The following TBCEL variants were observed in gnomAD, a reference collection of about 807,000 sequenced individuals.
The protein encoded by TBCEL is tubulin-specific chaperone cofactor E-like protein.
A neutral mutation model predicts 44.2 loss-of-function variants in TBCEL; 15 were observed. That is an observed-to-expected ratio of 0.34 (90% confidence interval 0.23 to 0.52). The LOEUF (loss-of-function observed/expected upper bound fraction) is 0.52. Among genes scored for constraint, TBCEL ranks in the 20% least tolerant of loss-of-function variants. The pLI, the probability that TBCEL is intolerant of heterozygous loss-of-function variation, is 0.95. For synonymous variants in TBCEL, 171 were observed against 185.4 expected (o/e 0.92, Z 0.63); for missense variants, 319 against 506.3 (o/e 0.63, Z 3.55).
chr11:121,075,454 G>C (rs1184380293), intron 8 of TBCEL, among the ~76,000 whole-genome samples: 1 of 151,920 alleles, frequency 6.6e-6, no homozygotes, highest in Non-Finnish European at 1.5e-5. Context: ...GACTGTTTTA[G>C]CTATTTTAGG....
chr11:121,073,504 T>C (rs1945975067), intron 8 of TBCEL, among the ~76,000 whole-genome samples: 1 of 151,998 alleles, frequency 6.6e-6, no homozygotes, highest in South Asian at 2.1e-4. Context: ...TCTGTCAGTC[T>C]TACATATAGA....
intron 8 of TBCEL, among the ~76,000 whole-genome samples, chr11:121,080,779 G>A (rs1265973597): frequency 6.6e-6 from 1 of 152,132 alleles, no homozygotes; most frequent in African/African-American, 2.4e-5. Flanking sequence ...TTGTGATTGA[G>A]GAAATGCCCC....
At chr11:121,081,842 G>A (rs1946131876) in intron 8 of TBCEL, among the ~76,000 whole-genome samples, 1 of 152,106 alleles carries the variant, frequency 6.6e-6, no homozygotes, top group African/African-American at 2.4e-5. Flanking sequence ...ATATATATAT[G>A]TATGTATAGT....
At chr11:121,069,508 G>C (rs1165947473) in intron 8 of TBCEL, among the ~76,000 whole-genome samples, 2 of 152,028 alleles carry the variant, frequency 1.3e-5, no homozygotes, top group East Asian at 3.9e-4. Context: ...TAGTAAGTGG[G>C]AGCTGGGCAC....
chr11:121,055,263 G>T lies in TBCEL; in HGVS notation c.667G>T (p.Ala223Ser). 6.2e-7 allele frequency: 1 copy of T among 1,611,286 alleles called. No homozygotes were observed. The highest frequency in any genetic ancestry group is 1.7e-4 in the Middle Eastern group (1 of 6,040). ...TATTGAGGAGCCTGATGATTCATTG[G>T]CCAGGTTGTTTCCTAATCTTCGATC... ...NAIEEPDDSL[A>S]RLFPNLRSIS... Residue 223 changes from alanine (A) to serine (S), a missense_variant, in exon 6 of 9, where the codon GCC becomes TCC. Ala to Ser is a moderately conservative substitution (Grantham distance 99). Transcript: ENST00000683345.
chr11:121,029,585 A>C (rs1350251682), intron 1 of TBCEL, among the ~76,000 whole-genome samples: 1 of 152,220 alleles, frequency 6.6e-6, no homozygotes, highest in Non-Finnish European at 1.5e-5. Context: ...CATGCTTTTA[A>C]TCACAGTGCT....
In TBCEL at chr11:121,060,085, G is replaced by A; in HGVS notation, c.956G>A (p.Arg319Lys). Residue 319 changes from arginine to lysine, a missense_variant and splice_region_variant, in exon 8 of 9, where the codon AGG (arginine) becomes AAG (lysine). Arg to Lys is a conservative substitution (Grantham distance 26, BLOSUM62 2). Transcript: ENST00000683345. ...GTTCCACAGGAAGAAGTGCCATTCAGGTAAAAAATTCCCCATTGGCCAAAC... is the reference window on the plus strand; with the variant it reads ...GTTCCACAGGAAGAAGTGCCATTCAAGTAAAAAATTCCCCATTGGCCAAAC... ...VDVPQEEVPF[R>K]YHELITKYGK... 6.2e-7 allele frequency: 1 copy of A among 1,607,896 alleles called. No homozygotes were observed. The highest frequency in any genetic ancestry group is 1.7e-5 in the Admixed American group (1 of 59,796).
chr11:121,089,794 G>A lies in TBCEL; in HGVS notation c.*2698G>A, dbSNP rs1452226228. Reference sequence around the variant, plus strand: ...ATGAGGCAAAATGCTGTCATAGCCAGTATTACTGATATGTTGCTACAGACA... The same window carrying A: ...ATGAGGCAAAATGCTGTCATAGCCAATATTACTGATATGTTGCTACAGACA... On this transcript the variant is annotated 3_prime_UTR_variant, in exon 9 of 9. Transcript: ENST00000683345. 1 of 152,122 alleles carries A rather than the reference G, an allele frequency of 6.6e-6. No individual in the cohort carries two copies. The highest frequency in any genetic ancestry group is 1.9e-4 in the East Asian group (1 of 5,198). 9.4% of individuals were successfully genotyped at this position (152,122 alleles called of 1,614,324 possible). A position where few individuals can be genotyped will look rare whatever the true frequency, so the allele number is the denominator to read the frequency against.
chr11:121,029,292 C>T (rs1311593535), intron 1 of TBCEL, among the ~76,000 whole-genome samples: 1 of 152,140 alleles, frequency 6.6e-6, no homozygotes, highest in East Asian at 1.9e-4. Flanking sequence ...GTATTCCCAC[C>T]TCTGCCAAAA....
intron 1 of TBCEL, among the ~76,000 whole-genome samples, chr11:121,034,097 T>C (rs1165135319): frequency 6.6e-6 from 1 of 152,168 alleles, no homozygotes; most frequent in African/African-American, 2.4e-5. Context: ...ACTCCTGCTT[T>C]TGATTCTTGG....
intron 8 of TBCEL, among the ~76,000 whole-genome samples, chr11:121,083,606 T>G (rs1376092609): frequency 6.6e-6 from 1 of 152,230 alleles, no homozygotes; most frequent in Non-Finnish European, 1.5e-5. Flanking sequence ...AATATGTTTA[T>G]GGTTGAGATT....
intron 8 of TBCEL, among the ~76,000 whole-genome samples, chr11:121,066,822 G>T (rs1167003780): frequency 1.3e-5 from 2 of 152,156 alleles, no homozygotes; most frequent in African/African-American, 4.8e-5. Flanking sequence ...TGTATAGTTA[G>T]TAAAAGGTGG....
At chr11:121,066,391 C>G (rs959233038) in intron 8 of TBCEL, among the ~76,000 whole-genome samples, 1 of 152,204 alleles carries the variant, frequency 6.6e-6, no homozygotes, top group African/African-American at 2.4e-5. Flanking sequence ...AAGAGAATAT[C>G]TACTCCTCTT....
chr11:121,037,917 GTTGT>G (rs1945261461), intron 2 of TBCEL, among the ~76,000 whole-genome samples: 1 of 151,314 alleles, frequency 6.6e-6, no homozygotes, highest in South Asian at 2.1e-4. Flanking sequence ...TTTTGTTGTT[GTTGT>G]TTATTTATTT....
chr11:121,044,899 A>G (rs1011527923), intron 2 of TBCEL, among the ~76,000 whole-genome samples: 3 of 152,144 alleles, frequency 2.0e-5, no homozygotes, highest in Non-Finnish European at 2.9e-5. Flanking sequence ...GAGAAGAACA[A>G]TGGCTTAAGC....
At chr11:121,033,303 T>C (rs1195291425) in intron 1 of TBCEL, among the ~76,000 whole-genome samples, 1 of 152,206 alleles carries the variant, frequency 6.6e-6, no homozygotes, top group Non-Finnish European at 1.5e-5. Context: ...TAGGCATTAA[T>C]AACAAGGCAT....
intron 8 of TBCEL, among the ~76,000 whole-genome samples, chr11:121,080,896 C>G (rs1376985533): frequency 2.0e-5 from 3 of 152,168 alleles, no homozygotes; most frequent in Admixed American, 2.0e-4. Context: ...TAACATTAGA[C>G]AGGTGTGCCA....
intron 1 of TBCEL, chr11:121,035,992 A>G (rs1339911821): frequency 2.6e-5 from 4 of 152,164 alleles, no homozygotes; most frequent in Admixed American, 2.6e-4. Flanking sequence ...TACTGTTGAC[A>G]TGAAATACTC....
At chr11:121,071,292 GA>G (rs1053889821) in intron 8 of TBCEL, among the ~76,000 whole-genome samples, 10 of 151,898 alleles carry the variant, frequency 6.6e-5, no homozygotes, top group South Asian at 2.1e-4. Context: ...ATTTTAAAGA[GA>G]AAAAAAATGC....
Sources: gnomAD v4.1 joint callset for allele counts (sites outside exome capture counted in the v4.1 genomes callset) on GRCh38, gnomAD v4.1.1 for gene constraint, MANE v1.5 for transcripts, NCBI Gene and HGNC (gene_info 2026-07-23, HGNC 2026-07-21) for gene names.